Variants in ASXL1 observed in about 807,000 individuals in gnomAD.
ASXL1 encodes ASXL transcriptional regulator 1.
Under a neutral mutation model 89.1 loss-of-function variants are expected in ASXL1, and 65 were observed. That is an observed-to-expected ratio of 0.73 (90% CI 0.60 to 0.90). The LOEUF is 0.90. Ranked by LOEUF, ASXL1 falls within the 40% of genes least tolerant of loss-of-function variation. The probability of loss-of-function intolerance (pLI) is 0.00; values close to 1 mark genes in which losing one functional copy is unlikely to be tolerated. For synonymous variants in ASXL1, 739 were observed against 746.9 expected (o/e 0.99, Z 0.17); for missense variants, 1,786 against 1,942.9 (o/e 0.92, Z 1.52).
At chr20:32,361,768 C>G (rs1257762326) in intron 1 of ASXL1, among the ~76,000 whole-genome samples, 1 of 150,662 alleles carries the variant, frequency 6.6e-6, no homozygotes, top group Non-Finnish European at 1.5e-5. Flanking sequence ...TGAGGGGGAA[C>G]TTTTTAAGAG....
At chr20:32,431,262 T>A in intron 8 of ASXL1, 59 bp from the exon 9 acceptor site, 1 of 1,610,574 alleles carries the variant, frequency 6.2e-7, no homozygotes, top group Non-Finnish European at 8.5e-7. Flanking sequence ...TTCCCATCAG[T>A]TGGCATTTGT....
chr20:32,403,395 C>T (rs1279903584), intron 4 of ASXL1, among the ~76,000 whole-genome samples: 1 of 151,502 alleles, frequency 6.6e-6, no homozygotes, highest in Non-Finnish European at 1.5e-5. Flanking sequence ...GTTTCTTTGT[C>T]TTTACATGGA....
intron 8 of ASXL1, chr20:32,430,937 A>T: frequency 2.2e-6 from 1 of 446,702 alleles, no homozygotes; most frequent in Non-Finnish European, 4.2e-6. Context: ...AGATTTTTCT[A>T]TAGTATACTA....
intron 8 of ASXL1, 178 bp from the exon 9 acceptor site, chr20:32,431,143 A>G: frequency 1.2e-6 from 1 of 800,076 alleles, no homozygotes; most frequent in South Asian, 1.5e-5. Context: ...CCTGGGTTTG[A>G]TGGCAATGAC....
chr20:32,386,545 A>G (rs1324370245), intron 4 of ASXL1, among the ~76,000 whole-genome samples: 1 of 151,950 alleles, frequency 6.6e-6, no homozygotes, highest in Non-Finnish European at 1.5e-5. Flanking sequence ...AGCCACTGGA[A>G]TAGCTGGGAT....
chr20:32,359,880 A>C, intron 1 of ASXL1: 1 of 716,118 alleles, frequency 1.4e-6, no homozygotes, highest in Non-Finnish European at 2.6e-6. Context: ...CAGTAGTAAC[A>C]GGTTATACTA....
At chr20:32,361,435 C>G (rs181555978) in intron 1 of ASXL1, among the ~76,000 whole-genome samples, 19 of 150,748 alleles carry the variant, frequency 1.3e-4, no homozygotes, top group Non-Finnish European at 2.8e-4. Context: ...GTCAGGAGTT[C>G]TAGACCAGCT....
intron 2 of ASXL1, among the ~76,000 whole-genome samples, chr20:32,366,767 T>A (rs550834621): frequency 6.6e-6 from 1 of 152,312 alleles, no homozygotes; most frequent in African/African-American, 2.4e-5. Flanking sequence ...TTGTGCTGTT[T>A]TGGAAGTTTC....
intron 4 of ASXL1, 55 bp from the exon 5 acceptor site, chr20:32,428,073 T>A (rs1600572952): frequency 6.2e-7 from 1 of 1,610,630 alleles, no homozygotes; most frequent in South Asian, 1.1e-5. Context: ...AATGACTGCC[T>A]TGCTTTAAGA....
intron 4 of ASXL1, among the ~76,000 whole-genome samples, chr20:32,379,932 C>T (rs910540755): frequency 4.0e-5 from 6 of 150,058 alleles, no homozygotes; most frequent in Non-Finnish European, 8.9e-5. Context: ...CAGTTAAGTT[C>T]AGTTGAACCC....
At chr20:32,410,458 A>G (rs1432727694) in intron 4 of ASXL1, among the ~76,000 whole-genome samples, 1 of 152,120 alleles carries the variant, frequency 6.6e-6, no homozygotes, top group Non-Finnish European at 1.5e-5. Context: ...TTTAATTTCT[A>G]AATTAGGCAC....
chr20:32,423,428 G>T (rs1396907152), intron 4 of ASXL1, among the ~76,000 whole-genome samples: 1 of 151,884 alleles, frequency 6.6e-6, no homozygotes, highest in Non-Finnish European at 1.5e-5. Flanking sequence ...TTTAGTAGGG[G>T]GGGTTTCATC....
intron 4 of ASXL1, among the ~76,000 whole-genome samples, chr20:32,426,443 C>T (rs1329471417): frequency 6.6e-6 from 1 of 151,102 alleles, no homozygotes; most frequent in African/African-American, 2.4e-5. Flanking sequence ...AAGAACATGG[C>T]AGTCAATAAG....
Position 32,437,061 on chromosome 20 carries a change from G to C in ASXL1, c.4349G>C (p.Ser1450Thr). The stretch of plus-strand genomic sequence containing the variant: ...GGGAAGCTTTCTAAACTCCAACTGA[G>C]TTCCACCAGCTTTAATTATTCCTCT... Reference protein sequence around the residue: ...FYGKLSKLQLSSTSFNYSSSS... With the variant: ...FYGKLSKLQLTSTSFNYSSSS... Residue 1450 changes from serine to threonine, a missense_variant, in exon 13 of 13, where the codon AGT (serine) becomes ACT (threonine). By Grantham distance (58) the Ser-to-Thr change is moderately conservative. Transcript: ENST00000375687. 1 of 1,614,156 alleles carries C rather than the reference G, an allele frequency of 6.2e-7. No individual in the cohort carries two copies.
At chr20:32,389,556 T>C (rs868630881) in intron 4 of ASXL1, among the ~76,000 whole-genome samples, 2 of 152,276 alleles carry the variant, frequency 1.3e-5, no homozygotes, top group South Asian at 4.1e-4. Flanking sequence ...ATAATTTACG[T>C]ACAGTAAAAT....
intron 4 of ASXL1, among the ~76,000 whole-genome samples, chr20:32,389,520 G>GT (rs886856758): frequency 3.3e-5 from 5 of 151,576 alleles, no homozygotes; most frequent in African/African-American, 9.7e-5. Flanking sequence ...TCTTGTTTTT[G>GT]TTTTTTTTCC....
intron 12 of ASXL1, 148 bp downstream of exon 12, chr20:32,434,065 A>C (rs150364636): frequency 8.7e-7 from 1 of 1,145,732 alleles, no homozygotes; most frequent in East Asian, 2.5e-5. Flanking sequence ...ACAGCCTTCA[A>C]GTTTAGTGAG....
At chr20:32,401,544 G>GTGTGTTTTTT (rs35101542) in intron 4 of ASXL1, among the ~76,000 whole-genome samples, 30 of 69,328 alleles carry the variant, frequency 4.3e-4, no homozygotes, top group African/African-American at 1.0e-3. Flanking sequence ...GTGTGTGTGT[G>GTGTGTTTTTT]TTTTTTCCCC....
Position 32,430,186 on chromosome 20 carries a change from A to G in ASXL1, c.718+133A>G, listed in dbSNP as rs2011475178. ...TTGGGTGGCCCTCTATTTTTTGTTT[A>G]TTTTTACTTTGTAATTTGCTTATTT... On this transcript the variant is annotated intron_variant, in intron 8 of 12. Transcript: ENST00000375687. 6.5e-6 allele frequency: 8 copies of G among 1,224,752 alleles called. No individual in the cohort carries two copies. In the South Asian group the frequency reaches 1.2e-4, roughly 18 times the overall value. The allele number at this position is 1,224,752 out of a possible 1,614,324, so 75.9% of individuals were successfully genotyped here.
Sources: allele counts gnomAD v4.1 joint callset (sites outside exome capture counted in the v4.1 genomes callset), GRCh38; gene constraint gnomAD v4.1.1; transcripts MANE v1.5; gene names NCBI Gene and HGNC (gene_info 2026-07-23, HGNC 2026-07-21).